SNX19: variants seen among roughly 807,000 people sequenced by gnomAD.
SNX19 encodes the protein sorting nexin 19, also known as sorting nexin-19.
SNX19 carries 60 observed loss-of-function variants against 85.2 expected under a neutral mutation model. The observed-to-expected ratio is 0.70, with a 90% CI of 0.57 to 0.87. The LOEUF (loss-of-function observed/expected upper bound fraction) is 0.87. Ranked by LOEUF, SNX19 falls within the 40% of genes least tolerant of loss-of-function variation. The pLI is 0.00. For synonymous variants in SNX19, 520 were observed against 470.0 expected, an observed-to-expected ratio of 1.11 and a Z score of -1.38; for missense variants, 1,201 against 1,217.8, an observed-to-expected ratio of 0.99 and a Z score of 0.21.
At position 130,872,084 on chromosome 11, in the gene SNX19, G is replaced by A. The variant is rs1026285008; in HGVS notation, c.*6338C>T. Reference sequence around the variant, plus strand: ...GTGTGCTGGGGGCTTTCACGGAAGCGCTTGCAGGTAAGGCTTGGAGAAGTG... The same window carrying A: ...GTGTGCTGGGGGCTTTCACGGAAGCACTTGCAGGTAAGGCTTGGAGAAGTG... On this transcript the variant is annotated 3_prime_UTR_variant, in exon 11 of 11. Transcript: ENST00000265909. Among the ~76,000 whole-genome samples, 1 of 152,144 alleles carries A rather than the reference G, an allele frequency of 6.6e-6. No individual in the cohort carries two copies. Among genetic ancestry groups the A allele is most frequent in the African/African-American group, 2.4e-5 (1 of 41,430 alleles).
In SNX19 at chr11:130,868,033, A is replaced by T. The variant is rs1942846146; in HGVS notation, c.*10389T>A. On this transcript the variant is annotated 3_prime_UTR_variant, in exon 11 of 11. Transcript: ENST00000265909. ...CCAAAGAACGAAATGATTTTTTAAA[A>T]AATCTCTTCTCTGAAATGGCTTCTC... The T allele has an allele frequency of 6.6e-6, 1 of 152,214 alleles. No homozygotes were observed. The allele number at this position is 152,214 out of a possible 1,614,324, so 9.4% of individuals were successfully genotyped here.
At position 130,869,942 on chromosome 11, in the gene SNX19, T is replaced by C. The variant is rs1313017787; in HGVS notation, c.*8480A>G. On this transcript the variant is annotated 3_prime_UTR_variant, in exon 11 of 11. Transcript: ENST00000265909. ...AAAAGGAATAAAGAAAAAGCAATTGTGAAGTTCCATAAGAATAGGAGAAAT... is the reference window on the plus strand; with the variant it reads ...AAAAGGAATAAAGAAAAAGCAATTGCGAAGTTCCATAAGAATAGGAGAAAT... The C allele has an allele frequency of 6.6e-6, 1 of 151,640 alleles. No homozygotes were observed. Among genetic ancestry groups the C allele is most frequent in the African/African-American group, 2.4e-5 (1 of 41,178 alleles). 9.4% of individuals were successfully genotyped at this position (151,640 alleles called of 1,614,324 possible). A position where few individuals can be genotyped will look rare whatever the true frequency, so the allele number is the denominator to read the frequency against.
Position 130,873,280 on chromosome 11 carries a change from T to C in SNX19, c.*5142A>G, listed in dbSNP as rs1943096871. On this transcript the variant is annotated 3_prime_UTR_variant, in exon 11 of 11. Transcript: ENST00000265909. ...CTTGTTTATGAATTGTCTACAACTG[T>C]TTTTACGCTACAGTGGAAAAGCTGA... Among the ~76,000 whole-genome samples the C allele has an allele frequency of 6.6e-6, 1 of 152,132 alleles. No individual in the cohort carries two copies.
In SNX19 at chr11:130,914,506, T is replaced by C. The variant is rs1337609844; in HGVS notation, c.1434A>G (p.Ser478=). Residue 478 remains serine, a synonymous_variant, in exon 1 of 11, where the codon TCA becomes TCG. Coordinates refer to ENST00000265909, the MANE Select transcript of SNX19 (RefSeq NM_014758.3). Reference sequence around the variant, plus strand: ...GATCCTTCTCTAAGCATGACGGCCGTGAGGGGCAGGTCTTTTCTGGCCCCT... The same window carrying C: ...GATCCTTCTCTAAGCATGACGGCCGCGAGGGGCAGGTCTTTTCTGGCCCCT... ...LLEGPEKTCP[S]RPSCLEKDLT... is the part of the protein sequence containing the mutation. The C allele has an allele frequency of 1.2e-6, 2 of 1,613,942 alleles. No homozygotes were observed. Among genetic ancestry groups the C allele is most frequent in the Non-Finnish European group, 8.5e-7 (1 of 1,179,832 alleles).
intron 8 of SNX19, among the ~76,000 whole-genome samples, chr11:130,898,374 T>C (rs1275022988): frequency 6.6e-6 from 1 of 152,170 alleles, no homozygotes; most frequent in African/African-American, 2.4e-5. Flanking sequence ...GACTACAGCA[T>C]CCCTGATGGT....
intron 1 of SNX19, among the ~76,000 whole-genome samples, chr11:130,913,919 G>C (rs1299441713): frequency 1.7e-5 from 1 of 57,960 alleles, no homozygotes; most frequent in Non-Finnish European, 3.1e-5. Context: ...ACAGAATCCA[G>C]GGACCCCCTC....
intron 8 of SNX19, among the ~76,000 whole-genome samples, chr11:130,902,526 A>G (rs1481657568): frequency 6.6e-6 from 1 of 152,226 alleles, no homozygotes; most frequent in East Asian, 1.9e-4. Flanking sequence ...AGGACGTCTC[A>G]TAAGAGGGAG....
At position 130,915,505 on chromosome 11, in the gene SNX19, C is replaced by A; in HGVS notation, c.435G>T (p.Arg145Ser). 2 of 1,614,232 alleles carry A rather than the reference C, an allele frequency of 1.2e-6. No individual in the cohort carries two copies. Among genetic ancestry groups the A allele is most frequent in the Non-Finnish European group, 8.5e-7 (1 of 1,180,030 alleles). ...CAGCATGACTGTCCATCACGCTCATCCTTCTCCGAAGCTCCTGGACCAACC... is the reference window on the plus strand; with the variant it reads ...CAGCATGACTGTCCATCACGCTCATACTTCTCCGAAGCTCCTGGACCAACC... ...MKGLVQELRRRMSVMDSHAVA... is the reference protein window; with the variant it reads ...MKGLVQELRRSMSVMDSHAVA... Residue 145 changes from arginine to serine, a missense_variant, in exon 1 of 11, where the codon AGG becomes AGT. Arg to Ser is a moderately radical substitution (Grantham distance 110). Around this residue, in one of 3 missense-constraint regions of SNX19, gnomAD observed 791 missense variants for 750.9 expected, o/e 1.05. Transcript: ENST00000265909.
At chr11:130,889,243 TA>T (rs926443484) in intron 8 of SNX19, among the ~76,000 whole-genome samples, 6 of 152,098 alleles carry the variant, frequency 3.9e-5, no homozygotes, top group Non-Finnish European at 7.4e-5. Context: ...TTTCTGTTTT[TA>T]AAATATGTTC....
chr11:130,904,704 G>GT (rs762133853), intron 7 of SNX19, among the ~76,000 whole-genome samples: 2 of 150,210 alleles, frequency 1.3e-5, no homozygotes, highest in Non-Finnish European at 3.0e-5. Context: ...ATTTTTTTTT[G>GT]TTTTTTATAA....
In SNX19 at chr11:130,914,890, T is replaced by C. The variant is rs1256277214; in HGVS notation, c.1050A>G (p.Gly350=). 6.8e-6 allele frequency: 11 copies of C among 1,614,212 alleles called. No individual in the cohort carries two copies. The highest frequency in any genetic ancestry group is 8.5e-6 in the Non-Finnish European group (10 of 1,180,036). ...LGGMCEERKV[G]NNSSHFLQPN... Reference sequence around the variant, plus strand: ...GCTGTAGGAAATGAGATGAGTTGTTTCCTACTTTTCTTTCTTCACACATCC... The same window carrying C: ...GCTGTAGGAAATGAGATGAGTTGTTCCCTACTTTTCTTTCTTCACACATCC... The change falls in exon 1 of 11, where the codon GGA becomes GGG. Residue 350 remains glycine, a synonymous_variant. Coordinates refer to ENST00000265909, the MANE Select transcript of SNX19 (RefSeq NM_014758.3).
At chr11:130,898,241 T>A (rs1229970502) in intron 8 of SNX19, among the ~76,000 whole-genome samples, 1 of 152,130 alleles carries the variant, frequency 6.6e-6, no homozygotes, top group Non-Finnish European at 1.5e-5. Context: ...CACAGGTCTT[T>A]TAAAGTTGCA....
rs4373936 is a variant in SNX19 at position 130,906,718 on chromosome 11, A to G, written c.2169T>C (p.Ser723=). The change falls in exon 6 of 11, where the codon TCT becomes TCC. Residue 723 remains serine, a synonymous_variant. Transcript: ENST00000265909. ...PQTEGKKASK[S]RLRFSSSKIS... ...TTTTACTGGATGAGAACCTCAGCCT[A>G]GACCTGGTACAGAAACAAAGAGCAG... 1,055,931 of 1,600,398 alleles carry G rather than the reference A, an allele frequency of 0.66. 351,323 individuals are homozygous for G. The highest frequency in any genetic ancestry group is 0.8 in the South Asian group (72,381 of 90,796).
chr11:130,881,062 A>G (rs1038202953), intron 8 of SNX19: 2 of 312,258 alleles, frequency 6.4e-6, no homozygotes, highest in Non-Finnish European at 1.2e-5. Flanking sequence ...ACAGCTGTCT[A>G]TGAACAAGGA....
Position 130,880,479 on chromosome 11 carries a change from T to C in SNX19, c.2758+143A>G, listed in dbSNP as rs1318470238. On this transcript the variant is annotated intron_variant, in intron 9 of 10. Transcript: ENST00000265909. Reference sequence around the variant, plus strand: ...AGCCCTGTTCATTTTCCTATTAGCCTGGGAAATGATGGGTCAACAGAGTTT... The same window carrying C: ...AGCCCTGTTCATTTTCCTATTAGCCCGGGAAATGATGGGTCAACAGAGTTT... The C allele has an allele frequency of 1.0e-5, 7 of 695,412 alleles. No homozygotes were observed. In the Admixed American group the frequency reaches 1.7e-4, roughly 17 times the overall value. 43.1% of individuals were successfully genotyped at this position (695,412 alleles called of 1,614,324 possible). A position where few individuals can be genotyped will look rare whatever the true frequency, so the allele number is the denominator to read the frequency against.
At position 130,881,335 on chromosome 11, in the gene SNX19, C is replaced by G. The variant is rs61910788; in HGVS notation, c.2574-529G>C. Among the ~76,000 whole-genome samples, 7 of 152,230 alleles carry G rather than the reference C, an allele frequency of 4.6e-5. No individual in the cohort carries two copies. In the East Asian group the frequency reaches 1.4e-3, roughly 29 times the overall value. ...TTTGAAGATGAGTAACAATAAGAAT[C>G]GTGTTATTTATGGAGCGTTCACTAT... On this transcript the variant is annotated intron_variant, in intron 8 of 10. Transcript: ENST00000265909.
intron 8 of SNX19, among the ~76,000 whole-genome samples, chr11:130,895,476 T>C (rs1250982259): frequency 6.6e-6 from 1 of 152,168 alleles, no homozygotes; most frequent in African/African-American, 2.4e-5. Flanking sequence ...GTTGAAGATA[T>C]AATGGTAAAT....
chr11:130,882,084 A>C (rs923487548), intron 8 of SNX19, among the ~76,000 whole-genome samples: 1 of 152,192 alleles, frequency 6.6e-6, no homozygotes, highest in Non-Finnish European at 1.5e-5. Flanking sequence ...AAGATATACC[A>C]AATCTGGAGT....
At chr11:130,899,878 A>G (rs1030699573) in intron 8 of SNX19, among the ~76,000 whole-genome samples, 3 of 152,232 alleles carry the variant, frequency 2.0e-5, no homozygotes, top group African/African-American at 7.2e-5. Flanking sequence ...CCATCACAAT[A>G]GTGATGCTTT....
Sources: allele counts gnomAD v4.1 joint callset (sites outside exome capture counted in the v4.1 genomes callset), GRCh38; gene constraint gnomAD v4.1.1; regional missense constraint gnomAD v4.1.1; transcripts MANE v1.5; gene names NCBI Gene and HGNC (gene_info 2026-07-23, HGNC 2026-07-21).